The following OPCML variants were observed in gnomAD, a reference collection of about 807,000 sequenced individuals.
OPCML encodes opioid binding protein/cell adhesion molecule like, also known as opioid-binding protein/cell adhesion molecule.
In OPCML, 13 loss-of-function variants were observed where a neutral mutation model predicts 37.8. The ratio of observed to expected loss-of-function variants is 0.34; its 90% CI spans 0.22 to 0.55. The LOEUF is 0.55. Ranked by LOEUF, OPCML falls within the 20% of genes least tolerant of loss-of-function variation. OPCML has a pLI of 0.91. For synonymous variants in OPCML, 176 were observed against 168.8 expected, an observed-to-expected ratio of 1.04 and a Z score of -0.33; for missense variants, 341 against 435.6, an observed-to-expected ratio of 0.78 and a Z score of 1.93.
At chr11:133,360,072 A>G (rs748638087) in intron 1 of OPCML, 3 of 152,244 alleles carry the variant, frequency 2.0e-5, no homozygotes, top group Non-Finnish European at 4.4e-5. Context: ...ACTAAAGTTT[A>G]TTGAACATTG....
chr11:132,999,271 C>T (rs1400096635), intron 1 of OPCML, among the ~76,000 whole-genome samples: 2 of 152,002 alleles, frequency 1.3e-5, no homozygotes, highest in Non-Finnish European at 2.9e-5. Flanking sequence ...GTGGCGAGAC[C>T]CCCTCTCGCC....
rs562826275 is a variant in OPCML at position 133,191,831 on chromosome 11, C to A, written c.62-248821G>T. 2.0e-5 allele frequency among the ~76,000 whole-genome samples: 3 copies of A among 152,166 alleles called. No homozygotes were observed. In the South Asian group the frequency reaches 6.2e-4, roughly 32 times the overall value. On this transcript the variant is annotated intron_variant, in intron 1 of 7. Coordinates refer to ENST00000524381, the MANE Select transcript of OPCML (RefSeq NM_001012393.5). The stretch of plus-strand genomic sequence containing the variant: ...TTATCTCCAGCAATCTCACAGATGC[C>A]CATTAAAACTTCCATTTGTGTGTTG...
chr11:133,051,421 C>T (rs574679288), intron 1 of OPCML, among the ~76,000 whole-genome samples: 26 of 152,144 alleles, frequency 1.7e-4, no homozygotes, highest in Non-Finnish European at 3.5e-4. Context: ...GGGCTGCAGC[C>T]CCTGAGCTTC....
intron 1 of OPCML, among the ~76,000 whole-genome samples, chr11:133,307,753 A>G (rs958414525): frequency 2.6e-5 from 4 of 152,168 alleles, no homozygotes; most frequent in Non-Finnish European, 5.9e-5. Context: ...ACTGTGCCAC[A>G]TTCACAGTGG....
chr11:133,296,774 G>C (rs1290757825), intron 1 of OPCML, among the ~76,000 whole-genome samples: 1 of 152,186 alleles, frequency 6.6e-6, no homozygotes, highest in Non-Finnish European at 1.5e-5. Flanking sequence ...GACATTATTT[G>C]TGATGTCATT....
chr11:133,451,465 G>T (rs1470989634), intron 1 of OPCML, among the ~76,000 whole-genome samples: 1 of 151,728 alleles, frequency 6.6e-6, no homozygotes, highest in Non-Finnish European at 1.5e-5. Context: ...GACAGAGTTT[G>T]AAGTGACCAC....
chr11:133,439,800 G>A (rs1946326057), intron 1 of OPCML, among the ~76,000 whole-genome samples: 3 of 151,908 alleles, frequency 2.0e-5, no homozygotes, highest in South Asian at 2.1e-4. Flanking sequence ...CAAACTAAAG[G>A]AGCACTTTTC....
chr11:133,441,305 G>GA (rs905084732), intron 1 of OPCML, among the ~76,000 whole-genome samples: 4 of 151,076 alleles, frequency 2.6e-5, no homozygotes, highest in East Asian at 3.9e-4. Context: ...ATTATCACAT[G>GA]AAAAAAAAGC....
At chr11:132,752,287 A>G (rs1945863372) in intron 2 of OPCML, among the ~76,000 whole-genome samples, 1 of 152,058 alleles carries the variant, frequency 6.6e-6, no homozygotes, top group African/African-American at 2.4e-5. Context: ...AAAGAGAGAG[A>G]GAGAGAAGCA....
intron 4 of OPCML, among the ~76,000 whole-genome samples, chr11:132,511,138 A>T (rs1217729556): frequency 6.6e-6 from 1 of 152,172 alleles, no homozygotes; most frequent in Non-Finnish European, 1.5e-5. Flanking sequence ...CAAGGTCAAT[A>T]TAAAAAAGTC....
In OPCML at chr11:133,432,141, G is replaced by A. The variant is rs541997560; in HGVS notation, c.61+100123C>T. On this transcript the variant is annotated intron_variant, in intron 1 of 7. Transcript: ENST00000524381. ...GTGAGGATTGAAAAACCACCTGCAA[G>A]GTACTATGCTCATTACCTGAATGTA... is the stretch of plus-strand genomic sequence containing the variant. 9.9e-5 allele frequency among the ~76,000 whole-genome samples: 15 copies of A among 152,020 alleles called. No individual in the cohort carries two copies. The South Asian group carries it at 3.1e-3, about 32-fold the overall frequency.
At chr11:132,623,354 C>G (rs1939540451) in intron 3 of OPCML, among the ~76,000 whole-genome samples, 1 of 151,750 alleles carries the variant, frequency 6.6e-6, no homozygotes, top group South Asian at 2.1e-4. Flanking sequence ...TTTTGAAGAA[C>G]TGGGACGTTA....
At chr11:132,714,132 C>T (rs187619275) in intron 2 of OPCML, among the ~76,000 whole-genome samples, 2 of 152,220 alleles carry the variant, frequency 1.3e-5, no homozygotes, top group African/African-American at 4.8e-5. Context: ...TATAAAAATG[C>T]AAAACAAGAC....
At chr11:133,089,587 T>G (rs996276599) in intron 1 of OPCML, among the ~76,000 whole-genome samples, 2 of 152,160 alleles carry the variant, frequency 1.3e-5, no homozygotes, top group Non-Finnish European at 2.9e-5. Context: ...GGCACATAAT[T>G]TAGTTGTTCT....
chr11:133,329,932 C>T (rs1351209216), intron 1 of OPCML, among the ~76,000 whole-genome samples: 6 of 152,080 alleles, frequency 3.9e-5, no homozygotes, highest in African/African-American at 1.2e-4. Context: ...TTTTTGCAAC[C>T]TACTCATCTG....
intron 2 of OPCML, among the ~76,000 whole-genome samples, chr11:132,701,807 G>C (rs2511443): frequency 1 from 148,788 of 148,830 alleles, 74,373 homozygotes; most frequent in Middle Eastern, 1. Context: ...GTGGTGGTGG[G>C]CGTGTGCTTT....
Position 133,225,899 on chromosome 11 carries a change from G to C in OPCML, c.62-282889C>G, listed in dbSNP as rs149923915. ...GATTAACATTTAAGTGTTTATGATAGATACCAAATATTCTTCAAACAGCTT... is the reference window on the plus strand; with the variant it reads ...GATTAACATTTAAGTGTTTATGATACATACCAAATATTCTTCAAACAGCTT... On this transcript the variant is annotated intron_variant, in intron 1 of 7. Transcript: ENST00000524381. Among the ~76,000 whole-genome samples, 227 of 152,352 alleles carry C rather than the reference G, an allele frequency of 1.5e-3. 1 individual carries two copies. Among genetic ancestry groups the C allele is most frequent in the African/African-American group, 5.2e-3 (215 of 41,574 alleles).
At position 133,174,289 on chromosome 11, in the gene OPCML, C is replaced by T. The variant is rs540161736; in HGVS notation, c.62-231279G>A. On this transcript the variant is annotated intron_variant, in intron 1 of 7. Transcript: ENST00000524381. This position sits in a 1 kb window ranked among gnomAD's most constrained non-coding sequence, Gnocchi z 4.6. ...CAAGCCTTCCTGCCAAACGTAGAGA[C>T]CTGGAGAGAGAGGACAGGGGCCTCG... is the stretch of plus-strand genomic sequence containing the variant. Among the ~76,000 whole-genome samples, 91 of 152,080 alleles carry T rather than the reference C, an allele frequency of 6.0e-4. No individual in the cohort carries two copies. The highest frequency in any genetic ancestry group is 1.2e-3 in the Non-Finnish European group (79 of 68,014).
intron 3 of OPCML, among the ~76,000 whole-genome samples, chr11:132,569,618 T>G (rs2096432641): frequency 6.6e-6 from 1 of 152,190 alleles, no homozygotes; most frequent in South Asian, 2.1e-4. Flanking sequence ...CATTGAATGC[T>G]GAACAAGAGA....
Sources: allele counts gnomAD v4.1 joint callset (sites outside exome capture counted in the v4.1 genomes callset), GRCh38; gene constraint gnomAD v4.1.1; non-coding constraint Gnocchi (gnomAD v3.1); transcripts MANE v1.5; gene names NCBI Gene and HGNC (gene_info 2026-07-23, HGNC 2026-07-21).